Variants in DNTTIP2 observed in about 807,000 individuals in gnomAD.
DNTTIP2 encodes the protein deoxynucleotidyltransferase terminal interacting protein 2.
A neutral mutation model predicts 62.4 loss-of-function variants in DNTTIP2; 47 were observed. The ratio of observed to expected loss-of-function variants is 0.75; its 90% CI spans 0.60 to 0.96. The LOEUF is 0.96. Among genes scored for constraint, DNTTIP2 ranks in the 40% least tolerant of loss-of-function variants. The pLI, the probability that DNTTIP2 is intolerant of heterozygous loss-of-function variation, is 0.00. For missense variants in DNTTIP2, 870 were observed against 849.1 expected (o/e 1.02, Z -0.31); for synonymous variants, 322 against 300.9 (o/e 1.07, Z -0.73).
chr1:93,871,963 C>G, intron 5 of DNTTIP2, 109 bp downstream of exon 5: 3 of 1,218,258 alleles, frequency 2.5e-6, no homozygotes, highest in Non-Finnish European at 2.3e-6. Flanking sequence ...ATACATTAGG[C>G]ATGCACAATG....
At chr1:93,874,183 T>C (rs961808453) in intron 3 of DNTTIP2, among the ~76,000 whole-genome samples, 1 of 152,184 alleles carries the variant, frequency 6.6e-6, no homozygotes, top group African/African-American at 2.4e-5. Flanking sequence ...AGGACAGTGG[T>C]TCTCAACTGG....
chr1:93,870,429 CTCTCA>C (rs1655829546), intron 6 of DNTTIP2, among the ~76,000 whole-genome samples: 2 of 152,098 alleles, frequency 1.3e-5, no homozygotes, highest in Non-Finnish European at 2.9e-5. Context: ...CACCCTCGTT[CTCTCA>C]TGAGTGTAGT....
Position 93,876,463 on chromosome 1 carries a change from A to G in DNTTIP2, c.1472T>C (p.Ile491Thr), listed in dbSNP as rs970054087. The change falls in exon 2 of 7, where the codon ATT becomes ACT. Residue 491 changes from isoleucine (I) to threonine (T), a missense_variant. Physicochemically the swap from Ile to Thr is moderately conservative, Grantham distance 89 (BLOSUM62 -1). Coordinates refer to ENST00000436063, the MANE Select transcript of DNTTIP2 (RefSeq NM_014597.5). ...SLSCDNALFVIDTTPGMSADK... is the reference protein window; with the variant it reads ...SLSCDNALFVTDTTPGMSADK... ...AGCACTCATTCCAGGAGTTGTGTCA[A>G]TTACAAACAATGCATTGTCACATGA... 6.2e-7 allele frequency: 1 copy of G among 1,613,896 alleles called. No homozygotes were observed. The highest frequency in any genetic ancestry group is 8.5e-7 in the Non-Finnish European group (1 of 1,179,874).
At chr1:93,870,838 G>T in intron 5 of DNTTIP2, 46 bp from the exon 6 acceptor site, 1 of 991,348 alleles carries the variant, frequency 1.0e-6, no homozygotes. Context: ...GTGCCAAGAT[G>T]CTTTCATACT....
intron 5 of DNTTIP2, among the ~76,000 whole-genome samples, chr1:93,871,464 G>A (rs1267281084): frequency 6.6e-6 from 1 of 150,852 alleles, no homozygotes; most frequent in African/African-American, 2.5e-5. Flanking sequence ...AATTTGTATG[G>A]GTAAAATTTC....
At chr1:93,871,962 G>T in intron 5 of DNTTIP2, 110 bp downstream of exon 5, 2 of 1,203,432 alleles carry the variant, frequency 1.7e-6, no homozygotes, top group African/African-American at 3.0e-5. Flanking sequence ...CATACATTAG[G>T]CATGCACAAT....
Position 93,867,285 on chromosome 1 carries a change from T to G in DNTTIP2, c.*2566A>C, listed in dbSNP as rs1223213827. ...CTGACTGTGGCAGCCCTTTGGATTC[T>G]TTATACTTTTCTGGTATAAAGCCTT... is the stretch of plus-strand genomic sequence containing the variant. On this transcript the variant is annotated 3_prime_UTR_variant, in exon 7 of 7. Coordinates refer to ENST00000436063, the MANE Select transcript of DNTTIP2 (RefSeq NM_014597.5). 3 of 152,066 alleles carry G rather than the reference T, an allele frequency of 2.0e-5. No homozygotes were observed. The highest frequency in any genetic ancestry group is 2.9e-5 in the Non-Finnish European group (2 of 68,040). 9.4% of individuals were successfully genotyped at this position (152,066 alleles called of 1,614,324 possible).
intron 1 of DNTTIP2, among the ~76,000 whole-genome samples, chr1:93,878,249 A>G (rs1028229541): frequency 2.6e-5 from 4 of 152,174 alleles, no homozygotes; most frequent in Non-Finnish European, 5.9e-5. Flanking sequence ...AGTTGCAGTG[A>G]GCCGAGGCTG....
In DNTTIP2 at chr1:93,876,606, T is replaced by C. The variant is rs1179075206; in HGVS notation, c.1329A>G (p.Leu443=). The part of the protein sequence containing the change: ...TSQGKDNSVL[L]VLSSDESQQS... The stretch of plus-strand genomic sequence containing the variant: ...GTTGGCTTTCATCACTGCTGAGAAC[T>C]AGTAAGACAGAATTATCTTTACCCT... Residue 443 remains leucine, a synonymous_variant, in exon 2 of 7, where the codon CTA becomes CTG. Transcript: ENST00000436063. The C allele has an allele frequency of 2.5e-6, 4 of 1,614,024 alleles. No individual in the cohort carries two copies. The highest frequency in any genetic ancestry group is 3.4e-6 in the Non-Finnish European group (4 of 1,179,884).
intron 3 of DNTTIP2, among the ~76,000 whole-genome samples, chr1:93,875,083 AC>A (rs1456110910): frequency 6.6e-6 from 1 of 152,234 alleles, no homozygotes; most frequent in African/African-American, 2.4e-5. Flanking sequence ...GACGTCAAGT[AC>A]CTGAGGACAT....
At chr1:93,871,017 A>C (rs1655848901) in intron 5 of DNTTIP2, 1 of 313,736 alleles carries the variant, frequency 3.2e-6, no homozygotes, top group Admixed American at 4.5e-5. Flanking sequence ...TTTCTTTGCT[A>C]AACACTAAAT....
Position 93,867,217 on chromosome 1 carries a change from GATCTTCTCAGGGGT to G in DNTTIP2, c.*2620_*2633del, listed in dbSNP as rs1655743964. 2 of 148,374 alleles carry G rather than the reference GATCTTCTCAGGGGT, an allele frequency of 1.3e-5. No individual in the cohort carries two copies. The highest frequency in any genetic ancestry group is 4.3e-4 in the South Asian group (2 of 4,666). 9.2% of individuals were successfully genotyped at this position (148,374 alleles called of 1,614,324 possible). On this transcript the variant is annotated 3_prime_UTR_variant, in exon 7 of 7. Transcript: ENST00000436063. ...CAGCATTCTTTTCGAAATCTTTCAA[GATCTTCTCAGGGGT>G]ATCTTGAAGGTCTCTTTCACCAGCA...
rs780863956 is a variant in DNTTIP2, at chr1:93,876,687, C to T, written c.1248G>A (p.Gly416=). 1.2e-5 allele frequency: 20 copies of T among 1,613,912 alleles called. No homozygotes were observed. In the South Asian group the frequency reaches 1.4e-4, roughly 12 times the overall value. The change falls in exon 2 of 7, where the codon GGG becomes GGA. Residue 416 remains glycine (G), a synonymous_variant. Transcript: ENST00000436063. The part of the protein sequence containing the change: ...ISVSEDMNSE[G]NVDFECDTKL... The stretch of plus-strand genomic sequence containing the variant: ...TGGTATCACATTCAAAATCTACATT[C>T]CCTTCACTGTTCATGTCTTCACTGA...
intron 3 of DNTTIP2, among the ~76,000 whole-genome samples, chr1:93,875,090 G>C (rs1227229194): frequency 6.6e-6 from 1 of 152,200 alleles, no homozygotes; most frequent in African/African-American, 2.4e-5. Context: ...AGTACCTGAG[G>C]ACATCTAAAT....
intron 3 of DNTTIP2, among the ~76,000 whole-genome samples, 160 bp downstream of exon 3, chr1:93,875,485 A>G (rs1655976425): frequency 6.6e-6 from 1 of 152,216 alleles, no homozygotes. Flanking sequence ...CATAGATAGG[A>G]TTTTATTGTA....
At chr1:93,872,888 T>TA (rs201279787) in intron 4 of DNTTIP2, among the ~76,000 whole-genome samples, 12,412 of 151,136 alleles carry the variant, frequency 0.082, 1,311 homozygotes, top group African/African-American at 0.24. Context: ...ATATATATAT[T>TA]TTTTTAAAAA....
At position 93,868,974 on chromosome 1, in the gene DNTTIP2, C is replaced by A. The variant is rs962851810; in HGVS notation, c.*877G>T. 1 of 125,382 alleles carries A rather than the reference C, an allele frequency of 8.0e-6. No individual in the cohort carries two copies. The highest frequency in any genetic ancestry group is 2.7e-5 in the African/African-American group (1 of 36,864). The allele number at this position is 125,382 out of a possible 1,614,324, so 7.8% of individuals were successfully genotyped here. A position where few individuals can be genotyped will look rare whatever the true frequency, so the allele number is the denominator to read the frequency against. ...TAACCTGCATGTTCTACACATGTAC[C>A]CCAAAACTATTATTAAAAAAAAAAA... On this transcript the variant is annotated 3_prime_UTR_variant, in exon 7 of 7. Transcript: ENST00000436063.
intron 2 of DNTTIP2, 68 bp downstream of exon 2, chr1:93,876,200 T>C: frequency 2.2e-6 from 3 of 1,365,706 alleles, no homozygotes; most frequent in Non-Finnish European, 2.9e-6. Flanking sequence ...ACATTTCATA[T>C]TTTTATGGTA....
At chr1:93,878,294 A>T (rs570926352) in intron 1 of DNTTIP2, among the ~76,000 whole-genome samples, 5 of 152,256 alleles carry the variant, frequency 3.3e-5, no homozygotes, top group South Asian at 2.1e-4. Context: ...ACAGAGCAAG[A>T]CTCCGAATCA....
Sources: allele counts gnomAD v4.1 joint callset (sites outside exome capture counted in the v4.1 genomes callset), GRCh38; gene constraint gnomAD v4.1.1; transcripts MANE v1.5; gene names NCBI Gene and HGNC (gene_info 2026-07-23, HGNC 2026-07-21).